The following ZBTB34 variants were observed in gnomAD, a reference collection of about 807,000 sequenced individuals.
ZBTB34 encodes the protein zinc finger and BTB domain-containing protein 34.
ZBTB34 carries 1 observed loss-of-function variant against 33.4 expected under a neutral mutation model. That is an observed-to-expected ratio of 0.03 (90% CI 0.01 to 0.14). ZBTB34 has a LOEUF of 0.14. Among genes scored for constraint, ZBTB34 ranks in the 10% least tolerant of loss-of-function variants. The pLI is 1.00. For missense variants in ZBTB34, 406 were observed against 657.2 expected (o/e 0.62, Z 4.18); for synonymous variants, 283 against 253.5 (o/e 1.12, Z -1.11).
chr9:126,877,061 G>A (rs1175879878), intron 1 of ZBTB34, among the ~76,000 whole-genome samples: 1 of 152,100 alleles, frequency 6.6e-6, no homozygotes, highest in South Asian at 2.1e-4. Context: ...GGCATCATTT[G>A]TTTTTCCTTT....
chr9:126,867,126 CTT>C (rs201393295), intron 1 of ZBTB34, among the ~76,000 whole-genome samples: 281 of 128,458 alleles, frequency 2.2e-3, no homozygotes, highest in Non-Finnish European at 1.3e-3. Flanking sequence ...TTGGGGGTTC[CTT>C]TTTTTTTTTT....
chr9:126,867,765 GTTT>G (rs767842030), intron 1 of ZBTB34, among the ~76,000 whole-genome samples: 1 of 131,214 alleles, frequency 7.6e-6, no homozygotes, highest in Admixed American at 7.6e-5. Context: ...TCATTTTTTT[GTTT>G]TTTTTTTTTT....
intron 1 of ZBTB34, among the ~76,000 whole-genome samples, chr9:126,878,607 C>T (rs558582233): frequency 6.6e-6 from 1 of 152,098 alleles, no homozygotes; most frequent in Admixed American, 6.5e-5. Context: ...GACAATAATA[C>T]TGAAAAGGGT....
At chr9:126,883,567 T>A (rs1416913857) in exon 2 of ZBTB34, 1 of 167,114 alleles carries the variant, frequency 6.0e-6, no homozygotes, top group Non-Finnish European at 1.5e-5. Context: ...GGTTCAAACA[T>A]TGTAATGGGA....
intron 1 of ZBTB34, among the ~76,000 whole-genome samples, chr9:126,865,635 T>C (rs1259021845): frequency 6.6e-6 from 1 of 152,146 alleles, no homozygotes; most frequent in Non-Finnish European, 1.5e-5. Context: ...AGTTTTCCAT[T>C]GTTGCATTTC....
chr9:126,864,521 A>G (rs1392453454), intron 1 of ZBTB34, among the ~76,000 whole-genome samples: 1 of 152,178 alleles, frequency 6.6e-6, no homozygotes, highest in Admixed American at 6.5e-5. Context: ...CTTGGTAGGA[A>G]ATGTAACAGT....
In ZBTB34 at chr9:126,880,427, A is replaced by G. The variant is rs745586487; in HGVS notation, c.1028A>G (p.Gln343Arg). Reference sequence around the variant, plus strand: ...CACAGTGACCTGCAGGGCCTGGTGCAGGGCTCTGACAGTGAAGCCATGATG... The same window carrying G: ...CACAGTGACCTGCAGGGCCTGGTGCGGGGCTCTGACAGTGAAGCCATGATG... Residue 343 changes from glutamine (Q) to arginine (R), a missense_variant, in exon 2 of 2, where the codon CAG becomes CGG. This residue lies in a region of ZBTB34 where 123 missense variants were observed against 140.4 expected (regional missense o/e 0.88). Coordinates refer to ENST00000319119, the Ensembl canonical transcript of ZBTB34. The surrounding 1 kb of genome is among the most constrained non-coding windows in gnomAD (Gnocchi z 6.7). 3 of 1,613,472 alleles carry G rather than the reference A, an allele frequency of 1.9e-6. No homozygotes were observed. The highest frequency in any genetic ancestry group is 2.5e-6 in the Non-Finnish European group (3 of 1,179,854).
chr9:126,871,392 C>G (rs1414570327), intron 1 of ZBTB34, among the ~76,000 whole-genome samples: 1 of 143,040 alleles, frequency 7.0e-6, no homozygotes, highest in East Asian at 2.1e-4. Context: ...GAGATGGAGT[C>G]TCGCTCTGTC....
intron 1 of ZBTB34, among the ~76,000 whole-genome samples, chr9:126,869,856 TGAG>T (rs529090034): frequency 2.6e-5 from 4 of 152,324 alleles, no homozygotes; most frequent in South Asian, 2.1e-4. Context: ...GTGAAGAAGT[TGAG>T]GAGGTGACAA....
chr9:126,879,937 G>C lies in ZBTB34; in HGVS notation c.538G>C (p.Ala180Pro). 6.2e-7 allele frequency: 1 copy of C among 1,613,174 alleles called. No homozygotes were observed. Among genetic ancestry groups the C allele is most frequent in the Non-Finnish European group, 8.5e-7 (1 of 1,179,878 alleles). ...TTGCTCTCAGGGACGGCAGCCCACCGCAAGCAGTGACCTCCGGATGGAGAC... is the reference window on the plus strand; with the variant it reads ...TTGCTCTCAGGGACGGCAGCCCACCCCAAGCAGTGACCTCCGGATGGAGAC... Residue 180 changes from alanine to proline, a missense_variant, in exon 2 of 2, where the codon GCA becomes CCA. Around this residue, in one of 6 missense-constraint regions of ZBTB34, gnomAD observed 137 missense variants for 173.0 expected, o/e 0.79. Transcript: ENST00000319119. The surrounding 1 kb of genome is among the most constrained non-coding windows in gnomAD (Gnocchi z 6.4).
intron 1 of ZBTB34, among the ~76,000 whole-genome samples, chr9:126,866,510 G>T (rs931477412): frequency 6.6e-6 from 1 of 152,078 alleles, no homozygotes; most frequent in African/African-American, 2.4e-5. Context: ...CTTCTGTCTG[G>T]AGTGTTCTTT....
chr9:126,867,720 G>GTCAGTGTTAT (rs1232552678), intron 1 of ZBTB34, among the ~76,000 whole-genome samples: 1 of 147,864 alleles, frequency 6.8e-6, no homozygotes, highest in Non-Finnish European at 1.5e-5. Context: ...AGGCCTTTGT[G>GTCAGTGTTAT]TCAGTGTTAT....
chr9:126,871,221 G>C (rs919809681), intron 1 of ZBTB34, among the ~76,000 whole-genome samples: 16 of 151,280 alleles, frequency 1.1e-4, no homozygotes, highest in African/African-American at 3.7e-4. Flanking sequence ...GTGTGGAGTG[G>C]GGGTGACATT....
At chr9:126,869,881 C>G (rs951531777) in intron 1 of ZBTB34, among the ~76,000 whole-genome samples, 1 of 152,046 alleles carries the variant, frequency 6.6e-6, no homozygotes, top group African/African-American at 2.4e-5. Context: ...TTTGAACTTA[C>G]CAAAAAACCA....
At chr9:126,876,358 T>C (rs754237938) in intron 1 of ZBTB34, among the ~76,000 whole-genome samples, 10 of 149,586 alleles carry the variant, frequency 6.7e-5, no homozygotes, top group Admixed American at 2.7e-4. Flanking sequence ...TCTAGCCTAT[T>C]ATTTTTGCCT....
chr9:126,867,254 G>T (rs527325814), intron 1 of ZBTB34, among the ~76,000 whole-genome samples: 3 of 151,448 alleles, frequency 2.0e-5, no homozygotes, highest in Non-Finnish European at 2.9e-5. Flanking sequence ...TGGACCAAAA[G>T]GTAAATGCCT....
At chr9:126,881,883 A>G (rs1349302155) in exon 2 of ZBTB34, 1 of 166,948 alleles carries the variant, frequency 6.0e-6, no homozygotes, top group Non-Finnish European at 1.5e-5. Flanking sequence ...ATCATGAGTT[A>G]GTACTCACTC....
chr9:126,867,069 C>T (rs1430159181), intron 1 of ZBTB34, among the ~76,000 whole-genome samples: 1 of 151,302 alleles, frequency 6.6e-6, no homozygotes, highest in Admixed American at 6.6e-5. Flanking sequence ...TTCTTAATAG[C>T]TGCGTAGTAT....
intron 1 of ZBTB34, among the ~76,000 whole-genome samples, chr9:126,862,543 GT>G (rs1455098613): frequency 6.6e-6 from 1 of 152,220 alleles, no homozygotes; most frequent in Non-Finnish European, 1.5e-5. Flanking sequence ...GCAGAACTGA[GT>G]TAGTTACGGC....
Sources: allele counts gnomAD v4.1 joint callset (sites outside exome capture counted in the v4.1 genomes callset), GRCh38; gene constraint gnomAD v4.1.1; regional missense constraint gnomAD v4.1.1; non-coding constraint Gnocchi (gnomAD v3.1); transcripts MANE v1.5; gene names NCBI Gene and HGNC (gene_info 2026-07-23, HGNC 2026-07-21).